Variants in MEF2C observed in about 807,000 individuals in gnomAD.
The protein encoded by MEF2C is myocyte enhancer factor 2C.
Under a neutral mutation model 50.5 loss-of-function variants are expected in MEF2C, and 6 were observed. The observed-to-expected ratio is 0.12, with a 90% confidence interval of 0.07 to 0.23. MEF2C has a LOEUF of 0.23. Ranked by LOEUF, MEF2C falls within the 10% of genes least tolerant of loss-of-function variation. The pLI, the probability that MEF2C is intolerant of heterozygous loss-of-function variation, is 1.00. For synonymous variants in MEF2C, 183 were observed against 228.0 expected, an observed-to-expected ratio of 0.80 and a Z score of 1.78; for missense variants, 276 against 605.0, an observed-to-expected ratio of 0.46 and a Z score of 5.70.
intron 2 of MEF2C, among the ~76,000 whole-genome samples, chr5:88,816,234 G>A (rs1805285600): frequency 6.6e-6 from 1 of 152,030 alleles, no homozygotes; most frequent in African/African-American, 2.4e-5. Flanking sequence ...ATTGACGGGA[G>A]TTGGAGCAAT....
upstream of MEF2C, among the ~76,000 whole-genome samples, chr5:88,886,238 T>C (rs1395138802): frequency 6.6e-6 from 1 of 152,232 alleles, no homozygotes; most frequent in Admixed American, 6.5e-5. Context: ...TTAAAATTAT[T>C]CATGAGTAAT....
rs886919742 is a variant in MEF2C at position 88,718,835 on chromosome 5, G to A, written c.*3769C>T. The A allele has an allele frequency of 6.6e-5, 10 of 152,194 alleles. No individual in the cohort carries two copies. The highest frequency in any genetic ancestry group is 1.5e-4 in the Non-Finnish European group (10 of 68,038). 9.4% of individuals were successfully genotyped at this position (152,194 alleles called of 1,614,324 possible). On this transcript the variant is annotated 3_prime_UTR_variant, in exon 11 of 11. Transcript: ENST00000504921. The stretch of plus-strand genomic sequence containing the variant: ...CTTTGGTTAAAACATATTAAGAAAA[G>A]CCTTTAATTACATCTGTAGTCTGAA...
rs573200135 is a variant in MEF2C at position 88,866,260 on chromosome 5, T to C, written c.-143+16695A>G. ...AGCATAGATTATTTGCATGCTTGCA[T>C]GGTAATCCAAACAAGCATTTCATTC... is the stretch of plus-strand genomic sequence containing the variant. On this transcript the variant is annotated intron_variant, in intron 1 of 10. Coordinates refer to ENST00000504921, the MANE Select transcript of MEF2C (RefSeq NM_002397.5). 5.1e-4 allele frequency among the ~76,000 whole-genome samples: 78 copies of C among 152,350 alleles called. No individual in the cohort carries two copies. In the Middle Eastern group the frequency reaches 0.017, roughly 33 times the overall value.
At chr5:88,737,474 T>C (rs776479372) in intron 6 of MEF2C, 22 of 985,320 alleles carry the variant, frequency 2.2e-5, no homozygotes, top group Non-Finnish European at 2.4e-5. Flanking sequence ...AAAGTTGAAG[T>C]CTCTGATATT....
intron 1 of MEF2C, among the ~76,000 whole-genome samples, chr5:88,830,635 T>C (rs1490341372): frequency 6.6e-6 from 1 of 152,086 alleles, no homozygotes; most frequent in African/African-American, 2.4e-5. Context: ...GTGAAGAACC[T>C]TGTGCTATCC....
At position 88,722,011 on chromosome 5, in the gene MEF2C, ATT is replaced by A. The variant is rs201624338; in HGVS notation, c.*591_*592del. Reference sequence around the variant, plus strand: ...AAATATGTTAGCCCTCCAACTCCACATTTTTTTTTAATAGGTATGGTCCTCTT... The same window carrying A: ...AAATATGTTAGCCCTCCAACTCCACATTTTTTTAATAGGTATGGTCCTCTT... On this transcript the variant is annotated 3_prime_UTR_variant, in exon 11 of 11. Coordinates refer to ENST00000504921, the MANE Select transcript of MEF2C (RefSeq NM_002397.5). 6.6e-6 allele frequency: 1 copy of A among 151,238 alleles called. No homozygotes were observed. The highest frequency in any genetic ancestry group is 1.5e-5 in the Non-Finnish European group (1 of 67,658). The allele number at this position is 151,238 out of a possible 1,614,324, so 9.4% of individuals were successfully genotyped here. A position where few individuals can be genotyped will look rare whatever the true frequency, so the allele number is the denominator to read the frequency against.
At chr5:88,782,125 G>T in intron 3 of MEF2C, 1 of 973,358 alleles carries the variant, frequency 1.0e-6, no homozygotes, top group Non-Finnish European at 1.2e-6. Flanking sequence ...AAATTTATAA[G>T]ATTTTGATTT....
At chr5:88,830,765 CCT>C (rs1812703111) in intron 1 of MEF2C, among the ~76,000 whole-genome samples, 1 of 152,042 alleles carries the variant, frequency 6.6e-6, no homozygotes, top group Non-Finnish European at 1.5e-5. Flanking sequence ...CTTTCAAAGG[CCT>C]CTGAGTGATG....
chr5:88,768,530 T>C, intron 3 of MEF2C: 1 of 205,058 alleles, frequency 4.9e-6, no homozygotes, highest in Non-Finnish European at 8.6e-6. Context: ...TATGTGTTTT[T>C]CTTCCTGCTA....
intron 1 of MEF2C, among the ~76,000 whole-genome samples, chr5:88,846,069 T>C (rs1412182990): frequency 1.3e-5 from 2 of 150,872 alleles, no homozygotes; most frequent in Admixed American, 1.3e-4. Flanking sequence ...ATACTTCAAG[T>C]CTTTTTTTTT....
chr5:88,857,421 A>G (rs1823845062), intron 1 of MEF2C, among the ~76,000 whole-genome samples: 1 of 152,198 alleles, frequency 6.6e-6, no homozygotes. Flanking sequence ...TTTTGGGTTA[A>G]TATTAGAATG....
chr5:88,794,497 T>C (rs1313170713), intron 3 of MEF2C, among the ~76,000 whole-genome samples: 1 of 152,230 alleles, frequency 6.6e-6, no homozygotes. Flanking sequence ...GGGTTGTTTT[T>C]TTCCTGTAAA....
chr5:88,870,738 T>C (rs1829260947), intron 1 of MEF2C, among the ~76,000 whole-genome samples: 2 of 152,100 alleles, frequency 1.3e-5, no homozygotes, highest in Non-Finnish European at 2.9e-5. Flanking sequence ...GGTTATTTCT[T>C]CAAATTATGG....
intron 1 of MEF2C, among the ~76,000 whole-genome samples, chr5:88,857,538 C>T (rs1180177031): frequency 2.6e-5 from 4 of 151,964 alleles, no homozygotes; most frequent in Admixed American, 2.6e-4. Context: ...TGGCTGTGTC[C>T]CCACCCAAGT....
chr5:88,770,702 ATTCT>A (rs1486200345), intron 3 of MEF2C, among the ~76,000 whole-genome samples: 3 of 152,056 alleles, frequency 2.0e-5, no homozygotes, highest in Non-Finnish European at 4.4e-5. Context: ...ACCTATCGTT[ATTCT>A]TTCTATTTGG....
intron 4 of MEF2C, among the ~76,000 whole-genome samples, chr5:88,760,635 T>C (rs1017483071): frequency 5.9e-5 from 9 of 152,264 alleles, no homozygotes; most frequent in African/African-American, 9.6e-5. Flanking sequence ...ATGTATTTTA[T>C]AGCAATTCTC....
intron 2 of MEF2C, among the ~76,000 whole-genome samples, chr5:88,819,166 C>A (rs1017513943): frequency 6.6e-6 from 1 of 151,842 alleles, no homozygotes; most frequent in African/African-American, 2.4e-5. Flanking sequence ...AAAAACTATG[C>A]CTCTTAGCCA....
intron 2 of MEF2C, among the ~76,000 whole-genome samples, chr5:88,817,308 G>A (rs1159691623): frequency 6.6e-6 from 1 of 151,886 alleles, no homozygotes; most frequent in Non-Finnish European, 1.5e-5. Context: ...GTCACTTGAG[G>A]GAATCTATAC....
At chr5:88,806,655 A>G (rs1354482758) in intron 2 of MEF2C, among the ~76,000 whole-genome samples, 1 of 152,042 alleles carries the variant, frequency 6.6e-6, no homozygotes, top group Non-Finnish European at 1.5e-5. Flanking sequence ...TTTACTTATC[A>G]CCTTTTATTT....
Sources: gnomAD v4.1 joint callset for allele counts (sites outside exome capture counted in the v4.1 genomes callset) on GRCh38, gnomAD v4.1.1 for gene constraint, MANE v1.5 for transcripts, NCBI Gene and HGNC (gene_info 2026-07-23, HGNC 2026-07-21) for gene names.